The following NREP variants were observed in gnomAD, a reference collection of about 807,000 sequenced individuals.
NREP encodes neuronal regeneration-related protein.
NREP carries 5 observed loss-of-function variants against 8.6 expected under a neutral mutation model. That is an observed-to-expected ratio of 0.58 (90% CI 0.30 to 1.22). NREP has a LOEUF of 1.22. Among genes scored for constraint, NREP ranks in the 50% most tolerant of loss-of-function variants. NREP has a pLI of 0.07. For missense variants in NREP, 86 were observed against 82.5 expected (o/e 1.04, Z -0.17); for synonymous variants, 27 against 28.0 (o/e 0.96, Z 0.11).
chr5:111,922,496 T>C (rs1287671287), intron 2 of NREP, among the ~76,000 whole-genome samples: 4 of 152,156 alleles, frequency 2.6e-5, no homozygotes, highest in Non-Finnish European at 5.9e-5. Flanking sequence ...CCCTTGATTT[T>C]GGCATATGGG....
intron 2 of NREP, among the ~76,000 whole-genome samples, chr5:111,846,962 A>T (rs749490138): frequency 2.6e-5 from 4 of 152,134 alleles, no homozygotes; most frequent in Non-Finnish European, 5.9e-5. Flanking sequence ...CATCTACTAA[A>T]TGTCATAAAG....
At chr5:111,936,162 C>T (rs373416036) in intron 2 of NREP, among the ~76,000 whole-genome samples, 5 of 152,124 alleles carry the variant, frequency 3.3e-5, no homozygotes, top group South Asian at 4.2e-4. Flanking sequence ...TGATATGGTT[C>T]GGCTCTGTGT....
chr5:111,766,958 C>A (rs1435662446), intron 2 of NREP, among the ~76,000 whole-genome samples: 1 of 152,200 alleles, frequency 6.6e-6, no homozygotes, highest in African/African-American at 2.4e-5. Context: ...TTACTTTTTA[C>A]ACTTTTACAG....
At chr5:111,853,167 T>C (rs888233423) in intron 2 of NREP, among the ~76,000 whole-genome samples, 4 of 152,118 alleles carry the variant, frequency 2.6e-5, no homozygotes, top group Non-Finnish European at 5.9e-5. Flanking sequence ...ATTCCAACTA[T>C]ATAACATTCT....
Position 111,832,912 on chromosome 5 carries a change from A to G in NREP, c.136-97405T>C, listed in dbSNP as rs1298956221. 3.9e-5 allele frequency among the ~76,000 whole-genome samples: 6 copies of G among 152,296 alleles called. No homozygotes were observed. In the East Asian group the frequency reaches 9.7e-4, roughly 25 times the overall value. On this transcript the variant is annotated intron_variant, in intron 2 of 3. Transcript: ENST00000395634. ...CCTCCAAAATCAAGGATTAGACTCA[A>G]TCACTCTAAATAAGAGTAGAGCCCT...
intron 2 of NREP, among the ~76,000 whole-genome samples, chr5:111,863,090 C>T (rs1180808628): frequency 6.6e-6 from 1 of 151,656 alleles, no homozygotes; most frequent in Non-Finnish European, 1.5e-5. Context: ...TCAAGAGGAG[C>T]AAGAATTAAC....
At chr5:111,967,252 C>G (rs189707563) in intron 2 of NREP, among the ~76,000 whole-genome samples, 1 of 152,038 alleles carries the variant, frequency 6.6e-6, no homozygotes, top group Admixed American at 6.6e-5. Context: ...AACATTCACA[C>G]AGTAACTTCT....
intron 2 of NREP, among the ~76,000 whole-genome samples, chr5:111,871,507 A>G (rs1038020193): frequency 2.0e-5 from 3 of 152,170 alleles, no homozygotes; most frequent in African/African-American, 7.2e-5. Context: ...ATATTTTTTA[A>G]AATAGTTTTA....
intron 2 of NREP, among the ~76,000 whole-genome samples, chr5:111,814,904 G>C (rs1752350008): frequency 6.7e-6 from 1 of 148,304 alleles, no homozygotes; most frequent in Admixed American, 6.8e-5. Flanking sequence ...GTTGAGGTCA[G>C]AACAGAGGAT....
chr5:111,929,611 G>A (rs899458385), intron 2 of NREP, among the ~76,000 whole-genome samples: 2 of 152,198 alleles, frequency 1.3e-5, no homozygotes, highest in South Asian at 4.1e-4. Context: ...ATATGTACAT[G>A]ATTGATGCAG....
intron 2 of NREP, among the ~76,000 whole-genome samples, chr5:111,908,173 ATTTAAT>A (rs1754822471): frequency 1.1e-5 from 1 of 93,890 alleles, no homozygotes; most frequent in Non-Finnish European, 2.6e-5. Context: ...TCATCTATTT[ATTTAAT>A]AGTTTCTTTA....
intron 2 of NREP, among the ~76,000 whole-genome samples, chr5:111,876,699 T>G (rs547227202): frequency 6.6e-6 from 1 of 152,246 alleles, no homozygotes; most frequent in Non-Finnish European, 1.5e-5. Flanking sequence ...CTCTCCTGTT[T>G]GACTATGCAT....
At chr5:111,842,386 G>A (rs1753050245) in intron 2 of NREP, among the ~76,000 whole-genome samples, 1 of 152,062 alleles carries the variant, frequency 6.6e-6, no homozygotes, top group African/African-American at 2.4e-5. Context: ...AGTTCTGTGT[G>A]CTTACCATGG....
chr5:111,899,702 T>C (rs1285059573), intron 2 of NREP, among the ~76,000 whole-genome samples: 2 of 152,142 alleles, frequency 1.3e-5, no homozygotes, highest in Non-Finnish European at 2.9e-5. Context: ...AGAAACTCAC[T>C]TTAACTCTAA....
chr5:111,753,788 G>A (rs1340300606), intron 2 of NREP, among the ~76,000 whole-genome samples: 1 of 151,896 alleles, frequency 6.6e-6, no homozygotes, highest in Non-Finnish European at 1.5e-5. Context: ...AGTTACAGAG[G>A]TCCACAAAGT....
intron 2 of NREP, among the ~76,000 whole-genome samples, chr5:111,872,944 C>T (rs537921094): frequency 1.3e-5 from 2 of 152,154 alleles, no homozygotes; most frequent in East Asian, 1.9e-4. Flanking sequence ...GCTGGGGAAC[C>T]ATCAGCATTT....
At chr5:111,915,134 C>T (rs1755020844) in intron 2 of NREP, among the ~76,000 whole-genome samples, 1 of 152,080 alleles carries the variant, frequency 6.6e-6, no homozygotes, top group African/African-American at 2.4e-5. Context: ...AGACTTCCCT[C>T]AGGCTACTGA....
At chr5:111,908,589 C>A (rs1303412290) in intron 2 of NREP, among the ~76,000 whole-genome samples, 1 of 152,040 alleles carries the variant, frequency 6.6e-6, no homozygotes, top group African/African-American at 2.4e-5. Context: ...ATCCATGTTG[C>A]TGCAAAGCAC....
At chr5:111,778,148 A>T (rs1025430559) in intron 2 of NREP, among the ~76,000 whole-genome samples, 3 of 152,172 alleles carry the variant, frequency 2.0e-5, no homozygotes, top group Non-Finnish European at 2.9e-5. Flanking sequence ...GGTCTTGTCA[A>T]GCAGAGGCAA....
Sources: gnomAD v4.1 joint callset for allele counts (sites outside exome capture counted in the v4.1 genomes callset) on GRCh38, gnomAD v4.1.1 for gene constraint, MANE v1.5 for transcripts, NCBI Gene and HGNC (gene_info 2026-07-23, HGNC 2026-07-21) for gene names.